TANGO2: variants seen among roughly 807,000 people sequenced by gnomAD.
TANGO2 encodes transport and Golgi organization protein 2 homolog.
Under a neutral mutation model 39.1 loss-of-function variants are expected in TANGO2, and 26 were observed. The observed-to-expected ratio is 0.67, with a 90% CI of 0.49 to 0.92. TANGO2 has a LOEUF of 0.92. TANGO2 is among the 40% of genes least tolerant of loss of function. The pLI, the probability that TANGO2 is intolerant of heterozygous loss-of-function variation, is 0.00. For missense variants in TANGO2, 326 were observed against 360.1 expected, an observed-to-expected ratio of 0.91 and a Z score of 0.77; for synonymous variants, 131 against 144.5, an observed-to-expected ratio of 0.91 and a Z score of 0.67.
At chr22:20,062,412 AC>A (rs1301639264) in intron 7 of TANGO2, among the ~76,000 whole-genome samples, 1 of 151,514 alleles carries the variant, frequency 6.6e-6, no homozygotes, top group East Asian at 1.9e-4. Flanking sequence ...TCAGAGAAGC[AC>A]CCATGGACCA....
intron 5 of TANGO2, chr22:20,053,757 T>C (rs1602259846): frequency 1.6e-6 from 1 of 610,562 alleles, no homozygotes; most frequent in Middle Eastern, 2.6e-4. Flanking sequence ...AGGCTTCCTG[T>C]GATGGCATGA....
At chr22:20,051,113 G>A (rs979034054) in intron 3 of TANGO2, among the ~76,000 whole-genome samples, 34 of 151,346 alleles carry the variant, frequency 2.2e-4, no homozygotes, top group Non-Finnish European at 4.6e-4. Flanking sequence ...TGCCCGCCTC[G>A]GCCTCCCAAA....
intron 2 of TANGO2, among the ~76,000 whole-genome samples, chr22:20,039,822 C>G (rs567120525): frequency 6.6e-6 from 1 of 151,488 alleles, no homozygotes; most frequent in East Asian, 1.9e-4. Context: ...GTCCCCCAGA[C>G]AGTGCACACA....
chr22:20,064,585 T>G lies in TANGO2; in HGVS notation c.754T>G (p.Phe252Val), dbSNP rs1368344025. ...GGTAGATGCGGACGGCCACGTGACC[T>G]TCACTGAGCGTAGCATGATGGACAA... ...ILVDADGHVT[F>V]TERSMMDKDL... is the part of the protein sequence containing the mutation. Residue 252 changes from phenylalanine (F) to valine (V), a missense_variant, in exon 9 of 9, where the codon TTC becomes GTC. Transcript: ENST00000327374. 6.2e-7 allele frequency: 1 copy of G among 1,614,162 alleles called. No homozygotes were observed. Among genetic ancestry groups the G allele is most frequent in the East Asian group, 2.2e-5 (1 of 44,888 alleles).
At chr22:20,047,232 G>T (rs165604) in intron 3 of TANGO2, among the ~76,000 whole-genome samples, 36,809 of 132,042 alleles carry the variant, frequency 0.28, 5,024 homozygotes, top group Non-Finnish European at 0.33. Flanking sequence ...TGGTTTGTTT[G>T]TTTTTTTTTT....
intron 7 of TANGO2, among the ~76,000 whole-genome samples, chr22:20,062,001 G>A (rs1387362090): frequency 6.6e-6 from 1 of 152,230 alleles, no homozygotes; most frequent in Non-Finnish European, 1.5e-5. Flanking sequence ...CCGAGAGCTT[G>A]TGGGAAGTTC....
intron 1 of TANGO2, chr22:20,033,028 C>A: frequency 2.6e-6 from 1 of 383,440 alleles, no homozygotes; most frequent in Non-Finnish European, 5.0e-6. Flanking sequence ...ACACAGGGGC[C>A]CAGGCAAAGG....
intron 1 of TANGO2, among the ~76,000 whole-genome samples, chr22:20,022,201 A>C (rs2039841242): frequency 6.6e-6 from 1 of 152,254 alleles, no homozygotes; most frequent in African/African-American, 2.4e-5. Context: ...ACTCAGGCTA[A>C]GGTGGCAGAT....
chr22:20,040,016 G>C (rs554526230), intron 2 of TANGO2, among the ~76,000 whole-genome samples: 1 of 152,206 alleles, frequency 6.6e-6, no homozygotes, highest in African/African-American at 2.4e-5. Context: ...CGTGGTGGGT[G>C]CATCCCTGTC....
At chr22:20,017,403 G>C (rs531062506), upstream of TANGO2, among the ~76,000 whole-genome samples, 4 of 152,094 alleles carry the variant, frequency 2.6e-5, no homozygotes, top group Non-Finnish European at 5.9e-5. Context: ...CACGCCCCTG[G>C]GTCCCCGCAG....
intron 1 of TANGO2, among the ~76,000 whole-genome samples, chr22:20,026,104 A>G (rs1050828289): frequency 6.6e-6 from 1 of 152,232 alleles, no homozygotes; most frequent in Non-Finnish European, 1.5e-5. Flanking sequence ...GGGCAGATCC[A>G]AGAGCTTCAC....
chr22:20,037,136 C>G, intron 2 of TANGO2: 1 of 1,501,712 alleles, frequency 6.7e-7, no homozygotes, highest in Non-Finnish European at 8.9e-7. Flanking sequence ...GGCTGCAGTT[C>G]TATGGGCTTT....
chr22:20,019,985 G>C (rs1601741694), upstream of TANGO2, among the ~76,000 whole-genome samples: 1 of 152,248 alleles, frequency 6.6e-6, no homozygotes, highest in African/African-American at 2.4e-5. Flanking sequence ...CCCGCATGTA[G>C]GTCCAGGTTA....
At chr22:20,027,739 C>G (rs1356926690) in intron 1 of TANGO2, among the ~76,000 whole-genome samples, 2 of 152,056 alleles carry the variant, frequency 1.3e-5, no homozygotes, top group Admixed American at 6.6e-5. Flanking sequence ...TCCTGAGTAG[C>G]TGGGACTACA....
In TANGO2 at chr22:20,055,989, C is replaced by A; in HGVS notation, c.427C>A (p.Pro143Thr). The change falls in exon 6 of 9, where the codon CCT (proline) becomes ACT (threonine). Residue 143 changes from proline to threonine, a missense_variant. Coordinates refer to ENST00000327374, the MANE Select transcript of TANGO2 (RefSeq NM_152906.7). ...VICYYGNRGE[P>T]DPIVLTPGTY... ...TTGCTACTATGGGAACCGAGGGGAG[C>A]CTGATCCTATCGTTTTGACGCCAGG... 1 of 1,614,108 alleles carries A rather than the reference C, an allele frequency of 6.2e-7. No individual in the cohort carries two copies. Among genetic ancestry groups the A allele is most frequent in the East Asian group, 2.2e-5 (1 of 44,880 alleles).
chr22:20,059,894 C>T (rs1290848239), intron 6 of TANGO2, among the ~76,000 whole-genome samples: 7 of 151,710 alleles, frequency 4.6e-5, no homozygotes, highest in Non-Finnish European at 1.0e-4. Flanking sequence ...TTCCCCAATA[C>T]TTTCTTCTTA....
Position 20,046,460 on chromosome 22 carries a change from A to AT in TANGO2, c.145+3039dup, listed in dbSNP as rs695718. ...CATGGTGCCCAGCCAAGGCTGGGTA[A>AT]TTTTTTTTTTTTTTTTTTTTTTGAG... On this transcript the variant is annotated intron_variant, in intron 3 of 8. Coordinates refer to ENST00000327374, the MANE Select transcript of TANGO2 (RefSeq NM_152906.7). 2.8e-3 allele frequency among the ~76,000 whole-genome samples: 274 copies of AT among 98,538 alleles called. 2 individuals carry two copies. Among genetic ancestry groups the AT allele is most frequent in the South Asian group, 0.015 (45 of 2,916 alleles). 64.6% of individuals were successfully genotyped at this position (98,538 alleles called of 152,430 possible). A position where few individuals can be genotyped will look rare whatever the true frequency, so the allele number is the denominator to read the frequency against.
chr22:20,056,137 G>A, intron 6 of TANGO2, 124 bp downstream of exon 6: 4 of 814,762 alleles, frequency 4.9e-6, no homozygotes, highest in South Asian at 1.4e-5. Flanking sequence ...GGCCATTTAA[G>A]TGCCTTATGG....
At chr22:20,023,291 C>A (rs2040071018) in intron 1 of TANGO2, among the ~76,000 whole-genome samples, 1 of 125,554 alleles carries the variant, frequency 8.0e-6, no homozygotes, top group South Asian at 2.3e-4. Flanking sequence ...GTAGGAGTGC[C>A]CCCCTTTTTT....
Sources: gnomAD v4.1 joint callset for allele counts (sites outside exome capture counted in the v4.1 genomes callset) on GRCh38, gnomAD v4.1.1 for gene constraint, MANE v1.5 for transcripts, NCBI Gene and HGNC (gene_info 2026-07-23, HGNC 2026-07-21) for gene names.